Variants in SLC29A3 observed in about 807,000 individuals in gnomAD.
SLC29A3 encodes the protein solute carrier family 29 member 3.
Under a neutral mutation model 25.4 loss-of-function variants are expected in SLC29A3, and 18 were observed. The ratio of observed to expected loss-of-function variants is 0.71; its 90% CI spans 0.49 to 1.05. The LOEUF (loss-of-function observed/expected upper bound fraction) is 1.05. Ranked by LOEUF, SLC29A3 falls within the 50% of genes least tolerant of loss-of-function variation. SLC29A3 has a pLI of 0.00. For synonymous variants in SLC29A3, 258 were observed against 267.1 expected, an observed-to-expected ratio of 0.97 and a Z score of 0.33; for missense variants, 586 against 609.0, an observed-to-expected ratio of 0.96 and a Z score of 0.40.
intron 4 of SLC29A3, 122 bp from the exon 5 acceptor site, chr10:71,355,959 T>C (rs1846893544): frequency 1.8e-6 from 2 of 1,106,224 alleles, no homozygotes; most frequent in Admixed American, 3.5e-5. Context: ...CTGAGAGAGC[T>C]TTGGCATTTT....
chr10:71,358,838 G>C (rs1169564005), intron 5 of SLC29A3, among the ~76,000 whole-genome samples: 1 of 152,248 alleles, frequency 6.6e-6, no homozygotes, highest in African/African-American at 2.4e-5. Context: ...GGGCAGGCCA[G>C]AGTCCCTTCC....
At chr10:71,357,276 A>C (rs971511297) in intron 5 of SLC29A3, among the ~76,000 whole-genome samples, 6 of 152,038 alleles carry the variant, frequency 3.9e-5, no homozygotes, top group Admixed American at 6.5e-5. Flanking sequence ...TTAGCCGGGC[A>C]TGGTGGCGGG....
intron 3 of SLC29A3, among the ~76,000 whole-genome samples, chr10:71,349,435 C>G (rs7067629): frequency 1.3e-5 from 2 of 152,040 alleles, no homozygotes; most frequent in African/African-American, 4.8e-5. Flanking sequence ...CTCCACGGCT[C>G]CCATGTAGCA....
chr10:71,344,922 C>T (rs946131397), intron 3 of SLC29A3, among the ~76,000 whole-genome samples: 1 of 152,202 alleles, frequency 6.6e-6, no homozygotes, highest in Admixed American at 6.5e-5. Flanking sequence ...ATGTTATGGT[C>T]GGTCCAGAAA....
intron 3 of SLC29A3, among the ~76,000 whole-genome samples, chr10:71,347,326 G>C (rs1233699569): frequency 2.0e-5 from 3 of 152,120 alleles, no homozygotes; most frequent in African/African-American, 7.2e-5. Context: ...TCAGGGAGTC[G>C]GGGGACCGGC....
At chr10:71,327,052 AG>A (rs1039132547) in intron 2 of SLC29A3, among the ~76,000 whole-genome samples, 4 of 152,094 alleles carry the variant, frequency 2.6e-5, no homozygotes, top group African/African-American at 9.7e-5. Flanking sequence ...TAGGGGAAGG[AG>A]GGGGAGAGTC....
downstream of SLC29A3, among the ~76,000 whole-genome samples, chr10:71,363,809 TTTTC>T (rs1486885010): frequency 1.1e-3 from 20 of 17,574 alleles, 3 homozygotes; most frequent in Non-Finnish European, 1.5e-3. Flanking sequence ...TTCCTTTTTC[TTTTC>T]TTTTTTTTTT....
rs564770014 is a variant in SLC29A3 at position 71,362,313 on chromosome 10, C to T, written c.1133C>T (p.Ala378Val). Residue 378 changes from alanine to valine, a missense_variant, in exon 6 of 6, where the codon GCG becomes GTG. Ala to Val is a moderately conservative substitution (Grantham distance 64, BLOSUM62 0). Coordinates refer to ENST00000373189, the MANE Select transcript of SLC29A3 (RefSeq NM_018344.6). ...CAGGTGCCAGGGCCCAATAGCAAGG[C>T]GCTCCCAGGGTTCGTGCTCCTCCGG... ...WIQVPGPNSK[A>V]LPGFVLLRTC... 97 of 1,614,150 alleles carry T rather than the reference C, an allele frequency of 6.0e-5. No homozygotes were observed. The Admixed American group carries it at 7.8e-4, about 13-fold the overall frequency.
At chr10:71,336,447 G>C (rs1298855963) in intron 2 of SLC29A3, among the ~76,000 whole-genome samples, 1 of 152,044 alleles carries the variant, frequency 6.6e-6, no homozygotes, top group East Asian at 1.9e-4. Context: ...ACCCTTAGAG[G>C]AAATGTTTCC....
At chr10:71,336,429 C>G (rs149510235) in intron 2 of SLC29A3, among the ~76,000 whole-genome samples, 1 of 151,940 alleles carries the variant, frequency 6.6e-6, no homozygotes, top group African/African-American at 2.4e-5. Context: ...GCGAGGAGGA[C>G]GCTGAGGACC....
rs755428851 is a variant in SLC29A3 at position 71,323,060 on chromosome 10, G to A, written c.300+6G>A. On this transcript the variant is annotated splice_donor_region_variant and intron_variant, in intron 2 of 5. Coordinates refer to ENST00000373189, the MANE Select transcript of SLC29A3 (RefSeq NM_018344.6). ...CTGAGGGCTCAGACATCCTGGTAAGGGCATGTTTCTCCTGCAAGGCTGGTG... is the reference window on the plus strand; with the variant it reads ...CTGAGGGCTCAGACATCCTGGTAAGAGCATGTTTCTCCTGCAAGGCTGGTG... The A allele has an allele frequency of 6.2e-7, 1 of 1,612,578 alleles. No individual in the cohort carries two copies. The highest frequency in any genetic ancestry group is 1.1e-5 in the South Asian group (1 of 91,034).
chr10:71,356,157 C>T lies in SLC29A3; in HGVS notation c.687C>T (p.Ser229=), dbSNP rs113542201. The T allele has an allele frequency of 2.7e-4, 437 of 1,614,156 alleles. No homozygotes were observed. In the African/African-American group the frequency reaches 5.3e-3, roughly 19 times the overall value. ...CTGCATCCAGTGATGTGAGGAACAG[C>T]GCCCTGGCCTTCTTCCTGACGGCCA... is the stretch of plus-strand genomic sequence containing the variant. ...DLAASSDVRN[S]ALAFFLTATV... is the part of the protein sequence containing the mutation. Residue 229 remains serine, a synonymous_variant, in exon 5 of 6, where the codon AGC becomes AGT. Coordinates refer to ENST00000373189, the MANE Select transcript of SLC29A3 (RefSeq NM_018344.6).
In SLC29A3 at chr10:71,351,620, G is replaced by A; in HGVS notation, c.442G>A (p.Val148Met). 6.2e-7 allele frequency: 1 copy of A among 1,614,212 alleles called. No homozygotes were observed. The highest frequency in any genetic ancestry group is 8.5e-7 in the Non-Finnish European group (1 of 1,180,014). The change falls in exon 4 of 6, where the codon GTG (valine) becomes ATG (methionine). Residue 148 changes from valine (V) to methionine (M), a missense_variant. Val to Met is a conservative substitution (Grantham distance 21). Transcript: ENST00000373189. ...GACGGTCATCCTGGCCATCTTCATG[G>A]TGATAACTGCACTGGTGAAGGTGGA... is the stretch of plus-strand genomic sequence containing the variant. ...SLTVILAIFM[V>M]ITALVKVDTS...
chr10:71,351,791 G>A lies in SLC29A3; in HGVS notation c.610+3G>A. ...GAACTCCCAGGCACTGATATCAGGT[G>A]AGAGCCAGGGTCCGGGCAGCTGACC... On this transcript the variant is annotated splice_donor_region_variant and intron_variant, in intron 4 of 5. Transcript: ENST00000373189. The A allele has an allele frequency of 6.2e-7, 1 of 1,608,112 alleles. No homozygotes were observed. Among genetic ancestry groups the A allele is most frequent in the Non-Finnish European group, 8.5e-7 (1 of 1,178,288 alleles).
intron 2 of SLC29A3, among the ~76,000 whole-genome samples, chr10:71,333,383 C>T (rs1485863377): frequency 1.3e-5 from 2 of 152,252 alleles, no homozygotes; most frequent in Non-Finnish European, 2.9e-5. Context: ...TGCATGCAGG[C>T]ACCTGAGGCC....
intron 2 of SLC29A3, among the ~76,000 whole-genome samples, chr10:71,338,301 TG>T (rs1846306604): frequency 6.6e-6 from 1 of 152,216 alleles, no homozygotes; most frequent in South Asian, 2.1e-4. Context: ...CTGACAGAGG[TG>T]GGGGCTTTTC....
At chr10:71,322,425 G>T (rs527456765) in intron 1 of SLC29A3, among the ~76,000 whole-genome samples, 2 of 152,242 alleles carry the variant, frequency 1.3e-5, no homozygotes, top group African/African-American at 4.8e-5. Context: ...TGCCTTTCTG[G>T]GTACATTGCC....
rs115915981 is a variant in SLC29A3 at position 71,362,693 on chromosome 10, G to A, written c.*85G>A. On this transcript the variant is annotated 3_prime_UTR_variant, in exon 6 of 6. Transcript: ENST00000373189. The stretch of plus-strand genomic sequence containing the variant: ...GAGGGCTGGGGGCCATGGAGGAAAG[G>A]CCTAAAGTTTCACTTGGGGACAGAG... The A allele has an allele frequency of 3.2e-4, 499 of 1,575,938 alleles. 1 individual carries two copies. The African/African-American group carries it at 5.8e-3, about 18-fold the overall frequency.
At chr10:71,368,753 G>T (rs1847188660) in intron 3 of SLC29A3, among the ~76,000 whole-genome samples, 1 of 152,108 alleles carries the variant, frequency 6.6e-6, no homozygotes, top group South Asian at 2.1e-4. Context: ...AAGAGCCTGG[G>T]CTCTGGAGCC....
Sources: allele counts gnomAD v4.1 joint callset (sites outside exome capture counted in the v4.1 genomes callset), GRCh38; gene constraint gnomAD v4.1.1; transcripts MANE v1.5; gene names NCBI Gene and HGNC (gene_info 2026-07-23, HGNC 2026-07-21).